The following NRG1 variants were observed in gnomAD, a reference collection of about 807,000 sequenced individuals.
The protein encoded by NRG1 is neuregulin 1, also known as pro-neuregulin-1, membrane-bound isoform.
A neutral mutation model predicts 63.8 loss-of-function variants in NRG1; 18 were observed. The ratio of observed to expected loss-of-function variants is 0.28; its 90% CI spans 0.19 to 0.42. The LOEUF is 0.42. Ranked by LOEUF, NRG1 falls within the 10% of genes least tolerant of loss-of-function variation. The pLI, the probability that NRG1 is intolerant of heterozygous loss-of-function variation, is 1.00. For missense variants in NRG1, 762 were observed against 814.7 expected, an observed-to-expected ratio of 0.94 and a Z score of 0.79; for synonymous variants, 302 against 301.3, an observed-to-expected ratio of 1.00 and a Z score of -0.02.
At chr8:32,033,924 T>C (rs985816812) in intron 1 of NRG1, among the ~76,000 whole-genome samples, 2 of 152,170 alleles carry the variant, frequency 1.3e-5, no homozygotes, top group Non-Finnish European at 2.9e-5. Flanking sequence ...TTTCTTCCTA[T>C]TTGAATATCA....
intron 1 of NRG1, among the ~76,000 whole-genome samples, chr8:31,863,158 A>G (rs1828631004): frequency 6.6e-6 from 1 of 152,208 alleles, no homozygotes; most frequent in Non-Finnish European, 1.5e-5. Context: ...CCTGGTACAT[A>G]AAACAAGAGC....
intron 1 of NRG1, among the ~76,000 whole-genome samples, chr8:32,029,177 C>G (rs1334093210): frequency 6.6e-6 from 1 of 152,122 alleles, no homozygotes; most frequent in African/African-American, 2.4e-5. Context: ...ACACATTTTT[C>G]TTTGCATTTC....
At chr8:32,604,864 T>C (rs1240594902) in intron 2 of NRG1, among the ~76,000 whole-genome samples, 1 of 123,896 alleles carries the variant, frequency 8.1e-6, no homozygotes, top group African/African-American at 3.4e-5. Flanking sequence ...CAAATCACAA[T>C]GCTGCCCATG....
intron 1 of NRG1, among the ~76,000 whole-genome samples, chr8:32,407,888 G>A (rs949448237): frequency 1.3e-5 from 2 of 152,170 alleles, no homozygotes; most frequent in African/African-American, 2.4e-5. Context: ...GCTAGGAGAG[G>A]TGTAACTGAT....
chr8:31,658,437 G>A (rs1009831451), intron 1 of NRG1, among the ~76,000 whole-genome samples: 4 of 151,972 alleles, frequency 2.6e-5, no homozygotes, highest in South Asian at 4.1e-4. Context: ...CATGTCTGTC[G>A]AGCACTTAGG....
chr8:32,325,224 GC>G (rs1322839154), intron 1 of NRG1, among the ~76,000 whole-genome samples: 1 of 152,074 alleles, frequency 6.6e-6, no homozygotes, highest in Non-Finnish European at 1.5e-5. Flanking sequence ...AACCTTTATT[GC>G]AATGTTTTAC....
intron 1 of NRG1, among the ~76,000 whole-genome samples, chr8:32,276,880 TTGC>T (rs1300930170): frequency 6.6e-6 from 1 of 152,210 alleles, no homozygotes; most frequent in Non-Finnish European, 1.5e-5. Flanking sequence ...TCTAAGGTAC[TTGC>T]AGGTGGGACA....
At chr8:32,698,448 G>A (rs1273900470) in intron 5 of NRG1, among the ~76,000 whole-genome samples, 7 of 152,140 alleles carry the variant, frequency 4.6e-5, no homozygotes, top group Admixed American at 6.5e-5. Context: ...TTTTGATAAT[G>A]TGCCCACATT....
chr8:31,857,997 C>G (rs555128452), intron 1 of NRG1, among the ~76,000 whole-genome samples: 5 of 152,232 alleles, frequency 3.3e-5, no homozygotes, highest in Admixed American at 1.3e-4. Flanking sequence ...GAAGCTTATC[C>G]TCTTAAAACT....
At chr8:32,564,657 A>G (rs1837101214) in intron 1 of NRG1, among the ~76,000 whole-genome samples, 1 of 152,224 alleles carries the variant, frequency 6.6e-6, no homozygotes, top group Non-Finnish European at 1.5e-5. Context: ...AGATGCAGCT[A>G]GTCTCATCAG....
intron 1 of NRG1, among the ~76,000 whole-genome samples, chr8:32,270,727 T>C (rs1458126886): frequency 6.6e-6 from 1 of 152,198 alleles, no homozygotes; most frequent in Non-Finnish European, 1.5e-5. Flanking sequence ...CTCTTCCTCA[T>C]ATTCAGTGAC....
intron 1 of NRG1, among the ~76,000 whole-genome samples, chr8:31,676,716 G>A (rs570320625): frequency 1.5e-4 from 23 of 152,294 alleles, no homozygotes; most frequent in Non-Finnish European, 2.6e-4. Flanking sequence ...CAGCAGCCAG[G>A]TTTCAAATTT....
At chr8:32,128,318 A>G (rs901478620) in intron 1 of NRG1, among the ~76,000 whole-genome samples, 6 of 151,924 alleles carry the variant, frequency 3.9e-5, no homozygotes, top group African/African-American at 1.2e-4. Flanking sequence ...CCCTGATGGC[A>G]GTAAAATTTT....
intron 5 of NRG1, among the ~76,000 whole-genome samples, chr8:32,649,470 A>T (rs1249685683): frequency 1.3e-5 from 2 of 152,234 alleles, no homozygotes; most frequent in African/African-American, 4.8e-5. Flanking sequence ...GTACAAGATC[A>T]GAAAATTTGG....
chr8:32,304,112 T>A (rs11779319), intron 1 of NRG1, among the ~76,000 whole-genome samples: 2,622 of 152,344 alleles, frequency 0.017, 34 homozygotes, highest in Non-Finnish European at 0.024. Context: ...GTGTTTAATC[T>A]TCTGTGCTTT....
At chr8:32,487,347 A>T (rs1055784839) in intron 1 of NRG1, among the ~76,000 whole-genome samples, 3 of 152,170 alleles carry the variant, frequency 2.0e-5, no homozygotes, top group African/African-American at 7.2e-5. Flanking sequence ...ACGAAATGCA[A>T]CTTGGATTCA....
chr8:32,571,560 C>T (rs1838587752), intron 1 of NRG1, among the ~76,000 whole-genome samples: 1 of 151,992 alleles, frequency 6.6e-6, no homozygotes, highest in Non-Finnish European at 1.5e-5. Context: ...ATTCTTTTGC[C>T]TTCGTATCAG....
intron 1 of NRG1, among the ~76,000 whole-genome samples, chr8:31,671,611 G>A (rs1013574889): frequency 1.1e-4 from 17 of 152,126 alleles, no homozygotes; most frequent in African/African-American, 4.1e-4. Flanking sequence ...CACAAGTCAA[G>A]CTTTTGTTTT....
At chr8:32,697,027 T>C (rs1324893808) in intron 5 of NRG1, among the ~76,000 whole-genome samples, 1 of 152,192 alleles carries the variant, frequency 6.6e-6, no homozygotes, top group East Asian at 1.9e-4. Flanking sequence ...GTTAATAGAG[T>C]GAAAGTCCTG....
Sources: allele counts gnomAD v4.1 joint callset (sites outside exome capture counted in the v4.1 genomes callset), GRCh38; gene constraint gnomAD v4.1.1; transcripts MANE v1.5; gene names NCBI Gene and HGNC (gene_info 2026-07-23, HGNC 2026-07-21).